The following ALPK2 variants were observed in gnomAD, a reference collection of about 807,000 sequenced individuals.
ALPK2 encodes the protein alpha kinase 2.
In ALPK2, 127 loss-of-function variants were observed where a neutral mutation model predicts 163.1. That is an observed-to-expected ratio of 0.78 (90% CI 0.67 to 0.90). The LOEUF (loss-of-function observed/expected upper bound fraction) is 0.90. ALPK2 is among the 40% of genes least tolerant of loss of function. ALPK2 has a pLI of 0.00. For missense variants in ALPK2, 2,360 were observed against 2,589.6 expected (o/e 0.91, Z 1.92); for synonymous variants, 953 against 959.1 (o/e 0.99, Z 0.12).
At position 58,535,624 on chromosome 18, in the gene ALPK2, T is replaced by C; in HGVS notation, c.4563A>G (p.Leu1521=). 6.2e-7 allele frequency: 1 copy of C among 1,614,208 alleles called. No homozygotes were observed. The highest frequency in any genetic ancestry group is 8.5e-7 in the Non-Finnish European group (1 of 1,180,026). ...CCTTTTTGCTTTGCTCAGCCTCCCC[T>C]AAGCTCCCATCACTGCTTTCTTGTA... is the stretch of plus-strand genomic sequence containing the variant. ...GQIQESSDGS[L]GEAEQSKKDK... The change falls in exon 5 of 13, where the codon TTA becomes TTG. Residue 1521 remains leucine (L), a synonymous_variant. Transcript: ENST00000361673.
intron 5 of ALPK2, among the ~76,000 whole-genome samples, chr18:58,533,404 G>A (rs1198386102): frequency 6.6e-6 from 1 of 151,934 alleles, no homozygotes; most frequent in Non-Finnish European, 1.5e-5. Context: ...CCTCTGGGCT[G>A]AAACCAATTT....
At chr18:58,620,880 G>C (rs970273297) in intron 1 of ALPK2, among the ~76,000 whole-genome samples, 18 of 152,178 alleles carry the variant, frequency 1.2e-4, no homozygotes, top group African/African-American at 4.3e-4. Flanking sequence ...GACAGGCCCG[G>C]CACGGTGGCT....
chr18:58,525,723 G>A (rs933945389), intron 6 of ALPK2, among the ~76,000 whole-genome samples: 4 of 152,096 alleles, frequency 2.6e-5, no homozygotes, highest in Non-Finnish European at 4.4e-5. Flanking sequence ...CAAGATCACC[G>A]CTCAGATGTG....
intron 1 of ALPK2, among the ~76,000 whole-genome samples, chr18:58,615,935 G>A (rs1365186667): frequency 6.6e-6 from 1 of 152,198 alleles, no homozygotes; most frequent in Non-Finnish European, 1.5e-5. Context: ...CCACATATCT[G>A]AGCCACAGAG....
rs560855967 is a variant in ALPK2 at position 58,524,143 on chromosome 18, G to T, written c.5502-81C>A. The T allele has an allele frequency of 6.6e-6, 10 of 1,521,360 alleles. No individual in the cohort carries two copies. The African/African-American group carries it at 1.4e-4, about 21-fold the overall frequency. The allele number at this position is 1,521,360 out of a possible 1,614,324, so 94.2% of individuals were successfully genotyped here. A position where few individuals can be genotyped will look rare whatever the true frequency, so the allele number is the denominator to read the frequency against. ...TCCTAATATACTTAAGGAGAAAGAA[G>T]CTAAGACTTCCCTGCTCACATGTTT... On this transcript the variant is annotated intron_variant, in intron 6 of 12. Transcript: ENST00000361673.
chr18:58,520,149 C>A (rs139176111), intron 8 of ALPK2, among the ~76,000 whole-genome samples: 1 of 152,090 alleles, frequency 6.6e-6, no homozygotes, highest in South Asian at 2.1e-4. Context: ...CAAGAGAGGC[C>A]GGGTGTGGTG....
At chr18:58,574,267 A>G (rs1215238928) in intron 4 of ALPK2, among the ~76,000 whole-genome samples, 1 of 149,026 alleles carries the variant, frequency 6.7e-6, no homozygotes, top group Non-Finnish European at 1.5e-5. Flanking sequence ...ACATGGTGAA[A>G]CCCTGTCTCT....
chr18:58,511,251 G>A (rs1409034373), intron 10 of ALPK2, among the ~76,000 whole-genome samples: 2 of 152,148 alleles, frequency 1.3e-5, no homozygotes, highest in Non-Finnish European at 2.9e-5. Flanking sequence ...TGATCATGGT[G>A]GATAAGCTTT....
intron 8 of ALPK2, among the ~76,000 whole-genome samples, chr18:58,520,228 G>A (rs1303005952): frequency 6.6e-6 from 1 of 151,864 alleles, no homozygotes; most frequent in East Asian, 1.9e-4. Context: ...AGGAGTTCCC[G>A]ACCAGCCTGG....
At position 58,576,411 on chromosome 18, in the gene ALPK2, C is replaced by G. The variant is rs1205426021; in HGVS notation, c.1962+2403G>C. On this transcript the variant is annotated intron_variant, in intron 4 of 12. Transcript: ENST00000361673. ...GGAAAAAGAGTGGGCAAATTTATTG[C>G]TATGACTACCAACCCAGGATTTTAA... Among the ~76,000 whole-genome samples, 5 of 152,258 alleles carry G rather than the reference C, an allele frequency of 3.3e-5. No individual in the cohort carries two copies. The East Asian group carries it at 9.6e-4, about 29-fold the overall frequency.
At chr18:58,590,986 A>C (rs2052012154) in intron 3 of ALPK2, among the ~76,000 whole-genome samples, 1 of 152,178 alleles carries the variant, frequency 6.6e-6, no homozygotes, top group African/African-American at 2.4e-5. Context: ...AAAGAGAGAC[A>C]GTAGATTGGG....
At chr18:58,590,882 C>T (rs2144209708) in intron 3 of ALPK2, among the ~76,000 whole-genome samples, 1 of 152,342 alleles carries the variant, frequency 6.6e-6, no homozygotes, top group South Asian at 2.1e-4. Flanking sequence ...ACCCACCTGC[C>T]TTCTTCCCCG....
chr18:58,620,689 A>G (rs921841772), intron 1 of ALPK2, among the ~76,000 whole-genome samples: 2 of 152,244 alleles, frequency 1.3e-5, no homozygotes, highest in Non-Finnish European at 2.9e-5. Flanking sequence ...ATGCCTTTAT[A>G]AAGTTAATTT....
At chr18:58,609,920 G>A (rs543645667) in intron 2 of ALPK2, among the ~76,000 whole-genome samples, 13 of 152,246 alleles carry the variant, frequency 8.5e-5, no homozygotes, top group African/African-American at 2.9e-4. Flanking sequence ...GGACCATCAC[G>A]GAGACAGAAG....
chr18:58,545,931 T>A (rs1253733023), intron 4 of ALPK2, among the ~76,000 whole-genome samples: 1 of 152,152 alleles, frequency 6.6e-6, no homozygotes, highest in African/African-American at 2.4e-5. Context: ...AGGCAGAGCG[T>A]CATTCGGCCA....
chr18:58,514,350 C>A (rs2051509945), intron 10 of ALPK2, among the ~76,000 whole-genome samples: 1 of 152,216 alleles, frequency 6.6e-6, no homozygotes, highest in Non-Finnish European at 1.5e-5. Flanking sequence ...AAAGTTCCAA[C>A]ATGCACTAGC....
Position 58,535,582 on chromosome 18 carries a change from A to T in ALPK2, c.4605T>A (p.Ile1535=). 1 of 1,614,182 alleles carries T rather than the reference A, an allele frequency of 6.2e-7. No individual in the cohort carries two copies. Residue 1535 remains isoleucine (I), a synonymous_variant, in exon 5 of 13, where the codon ATT becomes ATA. Coordinates refer to ENST00000361673, the MANE Select transcript of ALPK2 (RefSeq NM_052947.4). ...EQSKKDKAEL[I]SPTSPLSSCL... is the part of the protein sequence containing the mutation. ...AACTAGAAAGAGGTGAAGTGGGGGA[A>T]ATCAATTCTGCTTTGTCCTTTTTGC...
chr18:58,522,700 G>A (rs546217237), intron 8 of ALPK2, among the ~76,000 whole-genome samples: 12 of 152,266 alleles, frequency 7.9e-5, no homozygotes, highest in African/African-American at 2.4e-4. Flanking sequence ...AGTCCCAGTA[G>A]CTGAAAAATC....
chr18:58,499,573 G>A (rs2051420980), intron 11 of ALPK2, among the ~76,000 whole-genome samples: 1 of 152,226 alleles, frequency 6.6e-6, no homozygotes, highest in Admixed American at 6.5e-5. Flanking sequence ...CTTAGGGTGA[G>A]GGTTATGGGC....
Sources: allele counts gnomAD v4.1 joint callset (sites outside exome capture counted in the v4.1 genomes callset), GRCh38; gene constraint gnomAD v4.1.1; transcripts MANE v1.5; gene names NCBI Gene and HGNC (gene_info 2026-07-23, HGNC 2026-07-21).